THSD4: variants seen among roughly 807,000 people sequenced by gnomAD.
THSD4 encodes the protein thrombospondin type 1 domain containing 4.
A neutral mutation model predicts 119.0 loss-of-function variants in THSD4; 69 were observed. The observed-to-expected ratio is 0.58, with a 90% confidence interval of 0.48 to 0.71. THSD4 has a LOEUF of 0.71. Ranked by LOEUF, THSD4 falls within the 30% of genes least tolerant of loss-of-function variation. The pLI is 0.00. For missense variants in THSD4, 1,393 were observed against 1,391.1 expected, an observed-to-expected ratio of 1.00 and a Z score of -0.02; for synonymous variants, 524 against 540.4, an observed-to-expected ratio of 0.97 and a Z score of 0.42.
intron 9 of THSD4, 99 bp from the exon 10 acceptor site, chr15:71,731,022 C>A: frequency 1.8e-6 from 2 of 1,121,330 alleles, no homozygotes; most frequent in South Asian, 1.3e-5. Flanking sequence ...TAGAGTGAAC[C>A]AACCCAGTCA....
rs922238876 is a variant in THSD4 at position 71,777,526 on chromosome 15, G to A, written c.*152G>A. 3.1e-5 allele frequency: 33 copies of A among 1,067,412 alleles called. No homozygotes were observed. The highest frequency in any genetic ancestry group is 3.8e-5 in the Non-Finnish European group (29 of 758,214). The allele number at this position is 1,067,412 out of a possible 1,614,324, so 66.1% of individuals were successfully genotyped here. On this transcript the variant is annotated 3_prime_UTR_variant, in exon 18 of 18. Coordinates refer to ENST00000261862, the MANE Select transcript of THSD4 (RefSeq NM_024817.3). ...CCCCTGCCTCCGGTGAATGCACCCC[G>A]TGGTACCCAGGGGCTTTTTACACAA...
At chr15:71,771,019 T>G (rs762273549) in intron 16 of THSD4, 45 bp from the exon 17 acceptor site, 1 of 1,602,514 alleles carries the variant, frequency 6.2e-7, no homozygotes, top group Admixed American at 1.7e-5. Context: ...TGCTGAGCTA[T>G]TGGTCTGCCC....
chr15:71,682,071 C>G (rs989890289), intron 8 of THSD4, among the ~76,000 whole-genome samples: 30 of 152,150 alleles, frequency 2.0e-4, no homozygotes, highest in African/African-American at 6.5e-4. Flanking sequence ...TCCGACCCCC[C>G]CTGGAAAGGA....
chr15:71,567,331 A>G (rs73443877), intron 7 of THSD4, among the ~76,000 whole-genome samples: 2,013 of 152,250 alleles, frequency 0.013, 45 homozygotes, highest in African/African-American at 0.047. Flanking sequence ...TGAAAACACC[A>G]GCAGAGGACA....
At chr15:71,411,498 C>T (rs1009316583) in intron 6 of THSD4, among the ~76,000 whole-genome samples, 189 bp from the exon 7 acceptor site, 4 of 151,902 alleles carry the variant, frequency 2.6e-5, no homozygotes, top group Non-Finnish European at 5.9e-5. Flanking sequence ...ATAATGGTTG[C>T]GGTTGGACAC....
chr15:71,609,105 C>T (rs1008217164), intron 7 of THSD4, among the ~76,000 whole-genome samples: 1 of 152,104 alleles, frequency 6.6e-6, no homozygotes, highest in African/African-American at 2.4e-5. Flanking sequence ...TACCAGCTGA[C>T]GCCAGAGAAC....
intron 15 of THSD4, among the ~76,000 whole-genome samples, chr15:71,763,985 T>C (rs1331645944): frequency 2.0e-5 from 3 of 151,928 alleles, no homozygotes; most frequent in Admixed American, 2.0e-4. Context: ...GATGATCACT[T>C]GAGTCTGGGG....
intron 7 of THSD4, among the ~76,000 whole-genome samples, chr15:71,656,605 A>G (rs1595834691): frequency 6.6e-6 from 1 of 152,278 alleles, no homozygotes; most frequent in Middle Eastern, 3.4e-3. Context: ...CACCTAGGTC[A>G]CTGTCACGAT....
chr15:71,201,996 G>A (rs961655400), intron 3 of THSD4, among the ~76,000 whole-genome samples: 10 of 152,168 alleles, frequency 6.6e-5, no homozygotes, highest in Admixed American at 1.3e-4. Context: ...TGTTAAGAGG[G>A]GCCCCTTTTT....
intron 6 of THSD4, among the ~76,000 whole-genome samples, chr15:71,319,855 A>C (rs2045243589): frequency 6.6e-6 from 1 of 152,354 alleles, no homozygotes; most frequent in Non-Finnish European, 1.5e-5. Context: ...TTTGGCCAAC[A>C]AGTGTTACAA....
chr15:71,560,798 A>G (rs1375115844), intron 7 of THSD4, among the ~76,000 whole-genome samples: 2 of 152,168 alleles, frequency 1.3e-5, no homozygotes, highest in Non-Finnish European at 2.9e-5. Flanking sequence ...ATCTGAATGT[A>G]GGAGTGACCA....
chr15:71,491,713 A>AC (rs2047922593), intron 7 of THSD4, among the ~76,000 whole-genome samples: 2 of 151,104 alleles, frequency 1.3e-5, no homozygotes, highest in African/African-American at 2.4e-5. Flanking sequence ...GAAAAAAAAA[A>AC]TTGTTTTTTA....
chr15:71,166,367 C>CTA (rs552607679), intron 3 of THSD4, among the ~76,000 whole-genome samples: 208 of 152,278 alleles, frequency 1.4e-3, no homozygotes, highest in Non-Finnish European at 2.4e-3. Flanking sequence ...TGGCACCATG[C>CTA]TATAGCAGCT....
intron 7 of THSD4, among the ~76,000 whole-genome samples, chr15:71,558,187 G>C (rs929237669): frequency 6.6e-6 from 1 of 152,104 alleles, no homozygotes; most frequent in Non-Finnish European, 1.5e-5. Flanking sequence ...AATTAACCAG[G>C]CATGGTGGCT....
intron 4 of THSD4, among the ~76,000 whole-genome samples, chr15:71,229,985 G>C (rs2044047510): frequency 1.3e-5 from 2 of 152,206 alleles, no homozygotes; most frequent in Non-Finnish European, 2.9e-5. Context: ...TCACATAAAA[G>C]ATGCTCAAGA....
At chr15:71,159,981 A>T (rs2043236476) in intron 3 of THSD4, among the ~76,000 whole-genome samples, 1 of 152,050 alleles carries the variant, frequency 6.6e-6, no homozygotes, top group Admixed American at 6.5e-5. Context: ...TTATTGTGTT[A>T]TGGTACATAC....
At chr15:71,332,783 A>G (rs1441361) in intron 6 of THSD4, among the ~76,000 whole-genome samples, 22,441 of 151,964 alleles carry the variant, frequency 0.15, 1,754 homozygotes, top group South Asian at 0.21. Context: ...CATTAACTGC[A>G]AGCTGAGCCC....
At chr15:71,597,923 A>T (rs2049936213) in intron 7 of THSD4, among the ~76,000 whole-genome samples, 1 of 152,174 alleles carries the variant, frequency 6.6e-6, no homozygotes, top group African/African-American at 2.4e-5. Flanking sequence ...TCTCCCTCAG[A>T]TATTTAGTGA....
chr15:71,172,621 A>C, intron 3 of THSD4, among the ~76,000 whole-genome samples: 1 of 144,310 alleles, frequency 6.9e-6, no homozygotes, highest in Admixed American at 6.9e-5. Context: ...ATAGCATGTT[A>C]TTGGTGTAAA....
Sources: gnomAD v4.1 joint callset for allele counts (sites outside exome capture counted in the v4.1 genomes callset) on GRCh38, gnomAD v4.1.1 for gene constraint, MANE v1.5 for transcripts, NCBI Gene and HGNC (gene_info 2026-07-23, HGNC 2026-07-21) for gene names.